Variants in ARHGEF18 observed in about 807,000 individuals in gnomAD.
The protein encoded by ARHGEF18 is rho guanine nucleotide exchange factor 18.
In ARHGEF18, 93 loss-of-function variants were observed where a neutral mutation model predicts 155.7. The observed-to-expected ratio is 0.60, with a 90% CI of 0.50 to 0.71. The LOEUF is 0.71. Among genes scored for constraint, ARHGEF18 ranks in the 30% least tolerant of loss-of-function variants. ARHGEF18 has a pLI of 0.00. For synonymous variants in ARHGEF18, 742 were observed against 753.1 expected (o/e 0.99, Z 0.24); for missense variants, 1,593 against 1,816.1 (o/e 0.88, Z 2.23).
At chr19:7,370,908 T>TTTTC (rs991432060) in intron 2 of ARHGEF18, among the ~76,000 whole-genome samples, 11 of 151,118 alleles carry the variant, frequency 7.3e-5, no homozygotes, top group South Asian at 2.1e-4. Flanking sequence ...CGCTTTTTTT[T>TTTTC]TTTCTTTCTT....
In ARHGEF18 at chr19:7,453,662, A is replaced by G; in HGVS notation, c.2051A>G (p.Gln684Arg). 6.2e-7 allele frequency: 1 copy of G among 1,606,390 alleles called. No homozygotes were observed. Among genetic ancestry groups the G allele is most frequent in the Non-Finnish European group, 8.5e-7 (1 of 1,174,388 alleles). Residue 684 changes from glutamine (Q) to arginine (R), a missense_variant, in exon 17 of 29, where the codon CAG becomes CGG. Gln to Arg is a conservative substitution (Grantham distance 43, BLOSUM62 1). Coordinates refer to ENST00000668164, the MANE Select transcript of ARHGEF18 (RefSeq NM_001367823.1). ...CGCAAGGAAGACATGCTTCAGCGGC[A>G]GCTCCACCTGGAGGGCATGCTATGC... ...TFRKEDMLQR[Q>R]LHLEGMLCWK...
At chr19:7,464,530 AT>A in intron 22 of ARHGEF18, 29 bp from the exon 23 acceptor site, 1 of 1,593,608 alleles carries the variant, frequency 6.3e-7, no homozygotes, top group Non-Finnish European at 8.6e-7. Context: ...GGATGGCAGC[AT>A]CCTCATGCCC....
intron 10 of ARHGEF18, among the ~76,000 whole-genome samples, chr19:7,430,677 C>T (rs1014102790): frequency 5.3e-5 from 8 of 151,944 alleles, no homozygotes; most frequent in African/African-American, 1.9e-4. Flanking sequence ...TGGTGGTATG[C>T]GCCTATAGTC....
At chr19:7,437,844 T>A (rs941738670) in intron 10 of ARHGEF18, among the ~76,000 whole-genome samples, 1 of 151,694 alleles carries the variant, frequency 6.6e-6, no homozygotes, top group African/African-American at 2.4e-5. Flanking sequence ...GGTTTCATCA[T>A]GTTGGCCAGG....
chr19:7,423,117 G>A lies in ARHGEF18; in HGVS notation c.968-17227G>A, dbSNP rs145685251. 4.2e-4 allele frequency among the ~76,000 whole-genome samples: 64 copies of A among 152,220 alleles called. 1 individual carries two copies. In the East Asian group the frequency reaches 6.7e-3, roughly 16 times the overall value. On this transcript the variant is annotated intron_variant, in intron 10 of 28. Coordinates refer to ENST00000668164, the MANE Select transcript of ARHGEF18 (RefSeq NM_001367823.1). ...CTGGACAGCTCAGGGATTAATAGCC[G>A]GGAGGAGCTAAGCCCCAGTTCCTCC...
chr19:7,447,605 T>A (rs961341331), intron 15 of ARHGEF18, among the ~76,000 whole-genome samples: 3 of 152,176 alleles, frequency 2.0e-5, no homozygotes, highest in African/African-American at 7.2e-5. Context: ...AAAAGGCATC[T>A]GTTATGTAGC....
At position 7,467,083 on chromosome 19, in the gene ARHGEF18, A is replaced by ATCCAGACACTGTCCCAGCTGC; in HGVS notation, c.2978_2998dup (p.Gln993_Leu999dup). 1 of 1,608,716 alleles carries ATCCAGACACTGTCCCAGCTGC rather than the reference A, an allele frequency of 6.2e-7. No homozygotes were observed. The highest frequency in any genetic ancestry group is 8.5e-7 in the Non-Finnish European group (1 of 1,176,302). On this transcript the variant is annotated inframe_insertion, in exon 25 of 29. Coordinates refer to ENST00000668164, the MANE Select transcript of ARHGEF18 (RefSeq NM_001367823.1). ...CTCCTCTCCGCAGCTTGTCCAGCGG[A>ATCCAGACACTGTCCCAGCTGC]TCCAGACACTGTCCCAGCTGCTCCT...
rs1022815051 is a variant in ARHGEF18, at chr19:7,362,786, G to A, written c.-105G>A. The stretch of plus-strand genomic sequence containing the variant: ...TGTCCCTCCTTTCTCCACAGGCTCT[G>A]AGCCCAAGTCATGTGTCCAGCCTTT... On this transcript the variant is annotated 5_prime_UTR_variant, in exon 2 of 29. It removes the in-frame stop codon of an upstream open reading frame in the 5' UTR. Transcript: ENST00000668164. 1.8e-5 allele frequency: 22 copies of A among 1,234,030 alleles called. No individual in the cohort carries two copies. Among genetic ancestry groups the A allele is most frequent in the Non-Finnish European group, 2.1e-5 (21 of 988,066 alleles). 76.4% of individuals were successfully genotyped at this position (1,234,030 alleles called of 1,614,324 possible). A position where few individuals can be genotyped will look rare whatever the true frequency, so the allele number is the denominator to read the frequency against.
At chr19:7,407,954 T>A (rs1237767949) in intron 10 of ARHGEF18, among the ~76,000 whole-genome samples, 4 of 79,690 alleles carry the variant, frequency 5.0e-5, no homozygotes, top group East Asian at 3.7e-4. Flanking sequence ...AGAGCGAGAC[T>A]CCGTCTCAAA....
At chr19:7,397,268 T>A (rs143164298) in intron 10 of ARHGEF18, among the ~76,000 whole-genome samples, 1 of 151,558 alleles carries the variant, frequency 6.6e-6, no homozygotes, top group Non-Finnish European at 1.5e-5. Flanking sequence ...TACTTAAAAT[T>A]TTTTTTTTCT....
rs1383254135 is a variant in ARHGEF18 at position 7,372,590 on chromosome 19, G to A, written c.16-222G>A. 2.6e-5 allele frequency among the ~76,000 whole-genome samples: 4 copies of A among 152,318 alleles called. No individual in the cohort carries two copies. In the East Asian group the frequency reaches 7.7e-4, roughly 29 times the overall value. ...AAGACCAGACTTCTGGTCCTTTTGT[G>A]GGGGTGAGCTCTTGAAGGTCCAGGT... is the stretch of plus-strand genomic sequence containing the variant. On this transcript the variant is annotated intron_variant, in intron 2 of 28. Transcript: ENST00000668164.
intron 10 of ARHGEF18, among the ~76,000 whole-genome samples, chr19:7,394,620 C>T (rs1302811271): frequency 2.0e-5 from 3 of 151,736 alleles, no homozygotes; most frequent in Non-Finnish European, 4.4e-5. Flanking sequence ...CCCCCAACCC[C>T]GCTGTCCTCC....
At chr19:7,375,289 GAAAA>G (rs10608389) in intron 3 of ARHGEF18, among the ~76,000 whole-genome samples, 29,671 of 107,032 alleles carry the variant, frequency 0.28, 3,921 homozygotes, top group Non-Finnish European at 0.32. Context: ...AAAAAAGAAA[GAAAA>G]GAAAGAAAGA....
chr19:7,418,615 C>T (rs1172246371), intron 10 of ARHGEF18, among the ~76,000 whole-genome samples: 1 of 151,846 alleles, frequency 6.6e-6, no homozygotes, highest in African/African-American at 2.4e-5. Context: ...TACGATTATC[C>T]CCATCCTACA....
chr19:7,477,419 T>A, downstream of ARHGEF18: 1 of 1,472,880 alleles, frequency 6.8e-7, no homozygotes, highest in Non-Finnish European at 9.0e-7. Context: ...GGCCCTCCGC[T>A]TGCCCCGGGG....
At chr19:7,473,348 T>C (rs1977121799), downstream of ARHGEF18, 4 of 449,788 alleles carry the variant, frequency 8.9e-6, no homozygotes, top group Non-Finnish European at 1.8e-5. Flanking sequence ...GAATTTTTCA[T>C]TTTTAGTAGC....
intron 1 of ARHGEF18, chr19:7,355,686 G>C (rs1172142655): frequency 1.0e-6 from 1 of 985,342 alleles, no homozygotes; most frequent in Admixed American, 6.1e-5. Flanking sequence ...TGGCTGAAGC[G>C]GTGGGCCTTC....
chr19:7,458,256 C>T (rs1600516634), intron 18 of ARHGEF18, among the ~76,000 whole-genome samples: 1 of 134,186 alleles, frequency 7.5e-6, no homozygotes. Flanking sequence ...CACTGCACTA[C>T]AGCCTGGGTG....
intron 10 of ARHGEF18, chr19:7,439,577 AG>A: frequency 3.0e-6 from 2 of 659,210 alleles, no homozygotes; most frequent in Admixed American, 5.4e-5. Context: ...AGCGGTTTGC[AG>A]CCCCTGTTGA....
Sources: gnomAD v4.1 joint callset for allele counts (sites outside exome capture counted in the v4.1 genomes callset) on GRCh38, gnomAD v4.1.1 for gene constraint, MANE v1.5 for transcripts, NCBI Gene and HGNC (gene_info 2026-07-23, HGNC 2026-07-21) for gene names.